Variants in GYS2 observed in about 807,000 individuals in gnomAD.
GYS2 encodes the protein glycogen [starch] synthase, liver.
GYS2 carries 80 observed loss-of-function variants against 85.6 expected under a neutral mutation model. That is an observed-to-expected ratio of 0.93 (90% confidence interval 0.78 to 1.13). The LOEUF (loss-of-function observed/expected upper bound fraction) is 1.13. GYS2 is among the 50% of genes most tolerant of loss of function. The probability of loss-of-function intolerance (pLI) is 0.00; values close to 1 mark genes in which losing one functional copy is unlikely to be tolerated. For missense variants in GYS2, 881 were observed against 854.9 expected, an observed-to-expected ratio of 1.03 and a Z score of -0.38; for synonymous variants, 328 against 300.7, an observed-to-expected ratio of 1.09 and a Z score of -0.94.
intron 1 of GYS2, among the ~76,000 whole-genome samples, chr12:21,582,323 C>A (rs533444476): frequency 6.6e-6 from 1 of 152,168 alleles, no homozygotes; most frequent in African/African-American, 2.4e-5. Context: ...GGGTGGGCAC[C>A]ATCTAATCAG....
intron 2 of GYS2, among the ~76,000 whole-genome samples, chr12:21,577,546 A>G (rs919831543): frequency 6.6e-6 from 1 of 152,172 alleles, no homozygotes. Flanking sequence ...CATTTCATTT[A>G]TTTGCATCCT....
In GYS2 at chr12:21,558,137, T is replaced by A. The variant is rs914395078; in HGVS notation, c.1422+63A>T. 33 of 1,002,808 alleles carry A rather than the reference T, an allele frequency of 3.3e-5. No individual in the cohort carries two copies. In the African/African-American group the frequency reaches 5.3e-4, roughly 16 times the overall value. The allele number at this position is 1,002,808 out of a possible 1,614,324, so 62.1% of individuals were successfully genotyped here. ...TGTAAAAACAACTAAGGAAAGCTAA[T>A]AAATTCTCAGAAAATATATTTTAAG... On this transcript the variant is annotated intron_variant, in intron 11 of 15. Coordinates refer to ENST00000261195, the MANE Select transcript of GYS2 (RefSeq NM_021957.4).
chr12:21,580,638 A>T, intron 1 of GYS2, 115 bp from the exon 2 acceptor site: 1 of 804,774 alleles, frequency 1.2e-6, no homozygotes, highest in Non-Finnish European at 2.2e-6. Context: ...ACTAAGCCCA[A>T]GGATTTATTT....
intron 11 of GYS2, among the ~76,000 whole-genome samples, chr12:21,547,994 A>G (rs1944061595): frequency 6.6e-6 from 1 of 152,154 alleles, no homozygotes; most frequent in Admixed American, 6.5e-5. Context: ...TAATTCTCAC[A>G]ATTTGCTATT....
At chr12:21,552,518 A>G (rs573191289) in intron 11 of GYS2, among the ~76,000 whole-genome samples, 44 of 152,340 alleles carry the variant, frequency 2.9e-4, no homozygotes, top group African/African-American at 1.0e-3. Context: ...CAAATTTTTG[A>G]AGAATTGTTA....
chr12:21,597,231 T>C (rs1004016264), intron 1 of GYS2, among the ~76,000 whole-genome samples: 2 of 152,012 alleles, frequency 1.3e-5, no homozygotes, highest in African/African-American at 4.8e-5. Flanking sequence ...CTAAAATACA[T>C]CTGCACAGTA....
chr12:21,558,687 G>A (rs1194457553), intron 10 of GYS2, among the ~76,000 whole-genome samples: 1 of 152,082 alleles, frequency 6.6e-6, no homozygotes. Flanking sequence ...ATTATAACAA[G>A]CATTCTGATG....
In GYS2 at chr12:21,542,497, G is replaced by A. The variant is rs146660038; in HGVS notation, c.1644C>T (p.Tyr548=). 5.1e-5 allele frequency: 82 copies of A among 1,602,144 alleles called. No homozygotes were observed. The highest frequency in any genetic ancestry group is 4.7e-4 in the African/African-American group (35 of 74,806). Residue 548 remains tyrosine (Y), a splice_region_variant and synonymous_variant, in exon 13 of 16, where the codon TAC becomes TAT. Coordinates refer to ENST00000261195, the MANE Select transcript of GYS2 (RefSeq NM_021957.4). ...MQEHVADPTA[Y]GIYIVDRRFR... ...TGGGTTAATGATGAAAACCCTCACC[G>A]TAAGCAGTAGGATCAGCCACGTGCT...
In GYS2 at chr12:21,563,276, G is replaced by A. The variant is rs1269851237; in HGVS notation, c.893C>T (p.Ala298Val). 2 of 1,611,954 alleles carry A rather than the reference G, an allele frequency of 1.2e-6. No individual in the cohort carries two copies. The highest frequency in any genetic ancestry group is 1.7e-6 in the Non-Finnish European group (2 of 1,178,216). The change falls in exon 6 of 16, where the codon GCC becomes GTC. Residue 298 changes from alanine to valine, a missense_variant. Transcript: ENST00000261195. Reference protein sequence around the residue: ...SAVHEFQNLHAMYKARIQDFV... With the variant: ...SAVHEFQNLHVMYKARIQDFV... The stretch of plus-strand genomic sequence containing the variant: ...ATCTTGGATTCTGGCCTTGTACATG[G>A]CATGTAGATTTTGAAACTCATGCAC...
intron 1 of GYS2, 72 bp downstream of exon 1, chr12:21,604,400 G>C (rs1180342556): frequency 1.1e-6 from 1 of 925,984 alleles, no homozygotes; most frequent in Non-Finnish European, 1.8e-6. Flanking sequence ...AGAGTTATCT[G>C]TGAAATCTTA....
intron 12 of GYS2, among the ~76,000 whole-genome samples, chr12:21,543,162 A>G (rs150047094): frequency 6.6e-6 from 1 of 152,276 alleles, no homozygotes; most frequent in African/African-American, 2.4e-5. Flanking sequence ...GAAATAACTG[A>G]TATGTCTTAA....
chr12:21,603,803 A>G (rs1944778821), intron 1 of GYS2, among the ~76,000 whole-genome samples: 1 of 152,138 alleles, frequency 6.6e-6, no homozygotes, highest in Non-Finnish European at 1.5e-5. Flanking sequence ...TATTTTCAAA[A>G]TCATTTACAT....
intron 1 of GYS2, among the ~76,000 whole-genome samples, chr12:21,581,169 C>T (rs1285971985): frequency 6.6e-6 from 1 of 152,170 alleles, no homozygotes; most frequent in Non-Finnish European, 1.5e-5. Context: ...CATGGTATTT[C>T]TCTCTTCCTA....
intron 1 of GYS2, among the ~76,000 whole-genome samples, chr12:21,603,287 C>G (rs561728244): frequency 6.6e-6 from 1 of 152,064 alleles, no homozygotes; most frequent in South Asian, 2.1e-4. Flanking sequence ...TAAGACCGTG[C>G]TTTGTTCTCT....
In GYS2 at chr12:21,561,384, G is replaced by A. The variant is rs149085306; in HGVS notation, c.1063-892C>T. On this transcript the variant is annotated intron_variant, in intron 7 of 15. Coordinates refer to ENST00000261195, the MANE Select transcript of GYS2 (RefSeq NM_021957.4). Reference sequence around the variant, plus strand: ...GGAAATGACTGACTAGCTCCAGAGTGTGGGGCACTTTACCGTCTAGTATGC... The same window carrying A: ...GGAAATGACTGACTAGCTCCAGAGTATGGGGCACTTTACCGTCTAGTATGC... Among the ~76,000 whole-genome samples the A allele has an allele frequency of 9.4e-4, 143 of 152,288 alleles. 3 individuals carry two copies. The East Asian group carries it at 0.024, about 26-fold the overall frequency.
intron 5 of GYS2, among the ~76,000 whole-genome samples, chr12:21,567,900 C>T (rs886624896): frequency 6.6e-6 from 1 of 151,982 alleles, no homozygotes; most frequent in Non-Finnish European, 1.5e-5. Flanking sequence ...TAGTGAAACC[C>T]CGTCTCTACT....
chr12:21,548,299 C>T (rs1944066132), intron 11 of GYS2, among the ~76,000 whole-genome samples: 1 of 152,076 alleles, frequency 6.6e-6, no homozygotes, highest in African/African-American at 2.4e-5. Context: ...TAGTGTTTGC[C>T]TATTTTCATT....
chr12:21,538,329 T>A (rs1470837465), intron 15 of GYS2, among the ~76,000 whole-genome samples: 1 of 152,204 alleles, frequency 6.6e-6, no homozygotes, highest in Non-Finnish European at 1.5e-5. Context: ...ATAAGTCATG[T>A]TATTAGGGAT....
chr12:21,596,619 T>TA (rs1944699803), intron 1 of GYS2, among the ~76,000 whole-genome samples: 1 of 152,138 alleles, frequency 6.6e-6, no homozygotes, highest in African/African-American at 2.4e-5. Context: ...AAAAGCCATC[T>TA]GTGACAAACC....
Sources: gnomAD v4.1 joint callset for allele counts (sites outside exome capture counted in the v4.1 genomes callset) on GRCh38, gnomAD v4.1.1 for gene constraint, MANE v1.5 for transcripts, NCBI Gene and HGNC (gene_info 2026-07-23, HGNC 2026-07-21) for gene names.